SMARCD1: variants seen among roughly 807,000 people sequenced by gnomAD.
SMARCD1 encodes SWI/SNF-related matrix-associated actin-dependent regulator of chromatin subfamily D member 1.
Under a neutral mutation model 70.8 loss-of-function variants are expected in SMARCD1, and 16 were observed. The observed-to-expected ratio is 0.23, with a 90% CI of 0.15 to 0.34. The LOEUF is 0.34. Among genes scored for constraint, SMARCD1 ranks in the 10% least tolerant of loss-of-function variants. The pLI, the probability that SMARCD1 is intolerant of heterozygous loss-of-function variation, is 1.00. For synonymous variants in SMARCD1, 249 were observed against 246.0 expected, an observed-to-expected ratio of 1.01 and a Z score of -0.11; for missense variants, 409 against 655.5, an observed-to-expected ratio of 0.62 and a Z score of 4.11.
At chr12:50,093,090 CA>C (rs1950861335) in intron 9 of SMARCD1, among the ~76,000 whole-genome samples, 1 of 151,730 alleles carries the variant, frequency 6.6e-6, no homozygotes, top group Non-Finnish European at 1.5e-5. Context: ...GCAGGAGAAT[CA>C]CTTGAACCGG....
intron 5 of SMARCD1, 134 bp downstream of exon 5, chr12:50,087,619 C>T: frequency 9.5e-7 from 1 of 1,052,556 alleles, no homozygotes; most frequent in Non-Finnish European, 1.4e-6. Context: ...GACACTGTTC[C>T]CTGCACTGAA....
intron 4 of SMARCD1, among the ~76,000 whole-genome samples, chr12:50,087,156 T>G (rs1450472135): frequency 1.3e-5 from 2 of 152,314 alleles, no homozygotes; most frequent in South Asian, 2.1e-4. Context: ...TGCATGACTT[T>G]GTCCACCTGG....
At chr12:50,088,060 A>G (rs1442088789) in intron 5 of SMARCD1, among the ~76,000 whole-genome samples, 51 of 152,118 alleles carry the variant, frequency 3.4e-4, no homozygotes, top group Non-Finnish European at 5.9e-5. Flanking sequence ...GCTAGTTGGA[A>G]TGCACTTTTG....
At position 50,091,242 on chromosome 12, in the gene SMARCD1, A is replaced by AC. The variant is rs1286803679; in HGVS notation, c.1133+653dup. ...TGTTACTGTGCATCTCTTCCCATGA[A>AC]CAGTAATGTAATGTTGGTAGCTTGA... On this transcript the variant is annotated intron_variant, in intron 9 of 12. Transcript: ENST00000394963. 3.3e-5 allele frequency among the ~76,000 whole-genome samples: 5 copies of AC among 151,702 alleles called. No homozygotes were observed. In the South Asian group the frequency reaches 8.3e-4, roughly 25 times the overall value.
chr12:50,096,590 C>T (rs1333181731), intron 10 of SMARCD1: 1 of 386,506 alleles, frequency 2.6e-6, no homozygotes, highest in Non-Finnish European at 4.8e-6. Flanking sequence ...CATCATGTAG[C>T]TTTGCCCATA....
At chr12:50,086,392 G>T in intron 2 of SMARCD1, 44 bp downstream of exon 2, 1 of 1,430,250 alleles carries the variant, frequency 7.0e-7, no homozygotes. Flanking sequence ...GGGAGCCTGG[G>T]AGGACACAGG....
At position 50,096,614 on chromosome 12, in the gene SMARCD1, A is replaced by G. The variant is rs1950895386; in HGVS notation, c.1270-236A>G. The G allele has an allele frequency of 6.7e-6, 3 of 446,170 alleles. No individual in the cohort carries two copies. The Admixed American group carries it at 1.1e-4, about 16-fold the overall frequency. 27.6% of individuals were successfully genotyped at this position (446,170 alleles called of 1,614,324 possible). A position where few individuals can be genotyped will look rare whatever the true frequency, so the allele number is the denominator to read the frequency against. The stretch of plus-strand genomic sequence containing the variant: ...GCTTTGCCCATAGTGGGCAATGTGG[A>G]GACCAAAAGGAAAGCTTTCCTCACA... On this transcript the variant is annotated intron_variant, in intron 10 of 12. Coordinates refer to ENST00000394963, the MANE Select transcript of SMARCD1 (RefSeq NM_003076.5).
intron 9 of SMARCD1, among the ~76,000 whole-genome samples, chr12:50,092,250 T>C (rs1950851969): frequency 7.0e-6 from 1 of 143,328 alleles, no homozygotes; most frequent in Non-Finnish European, 1.5e-5. Context: ...TTTTTTTTTT[T>C]TTTTTTTGAG....
At chr12:50,092,903 C>T (rs919434279) in intron 9 of SMARCD1, among the ~76,000 whole-genome samples, 1 of 151,818 alleles carries the variant, frequency 6.6e-6, no homozygotes, top group Non-Finnish European at 1.5e-5. Context: ...TTTGGCTGGG[C>T]GCAGTGGCTC....
Position 50,088,593 on chromosome 12 carries a change from G to T in SMARCD1, c.727G>T (p.Glu243Ter). ...FSSFFKSLVI[E>*]LDKDLYGPDN... is the part of the protein sequence containing the mutation. ...TTCCTTTTTTAAGTCCTTGGTGATT[G>T]AACTGGACAAAGACCTGTATGGGCC... Residue 243 changes from glutamate to a stop codon, truncating the protein, a stop_gained, in exon 6 of 13, where the codon GAA becomes TAA. Transcript: ENST00000394963. LOFTEE classifies it high-confidence loss of function. The T allele has an allele frequency of 6.2e-7, 1 of 1,611,686 alleles. No individual in the cohort carries two copies. The highest frequency in any genetic ancestry group is 1.1e-5 in the South Asian group (1 of 90,880).
In SMARCD1 at chr12:50,088,578, A is replaced by G. The variant is rs952333987; in HGVS notation, c.712A>G (p.Lys238Glu). The part of the protein sequence containing the change: ...KQKRKFSSFF[K>E]SLVIELDKDL... ...AAAGAGGAAGTTCTCTTCCTTTTTT[A>G]AGTCCTTGGTGATTGAACTGGACAA... The change falls in exon 6 of 13, where the codon AAG becomes GAG. Residue 238 changes from lysine to glutamate, a missense_variant. By Grantham distance (56) the Lys-to-Glu change is moderately conservative. This residue lies in a region of SMARCD1 where 269 missense variants were observed against 498.6 expected (regional missense o/e 0.54). Transcript: ENST00000394963. The G allele has an allele frequency of 6.2e-7, 1 of 1,611,996 alleles. No homozygotes were observed. The highest frequency in any genetic ancestry group is 8.5e-7 in the Non-Finnish European group (1 of 1,178,754).
rs1474498379 is a variant in SMARCD1, at chr12:50,100,372, C to G, written c.*1372C>G. On this transcript the variant is annotated 3_prime_UTR_variant, in exon 13 of 13. Coordinates refer to ENST00000394963, the MANE Select transcript of SMARCD1 (RefSeq NM_003076.5). ...GCACACCCCCACCCCCAAATCCCTC[C>G]CTGTTCTACACTGGGGACAGCAGAA... The G allele has an allele frequency of 6.6e-6, 1 of 151,934 alleles. No individual in the cohort carries two copies. The highest frequency in any genetic ancestry group is 1.5e-5 in the Non-Finnish European group (1 of 67,920). The allele number at this position is 151,934 out of a possible 1,614,324, so 9.4% of individuals were successfully genotyped here. A position where few individuals can be genotyped will look rare whatever the true frequency, so the allele number is the denominator to read the frequency against.
At chr12:50,087,062 G>A (rs1252366916) in intron 4 of SMARCD1, 184 bp downstream of exon 4, 1 of 691,104 alleles carries the variant, frequency 1.4e-6, no homozygotes, top group South Asian at 1.9e-5. Flanking sequence ...AGGGGGAGGG[G>A]CTCTTGATGT....
intron 5 of SMARCD1, chr12:50,088,216 T>G (rs1226813881): frequency 2.9e-6 from 2 of 697,462 alleles, no homozygotes; most frequent in Admixed American, 4.1e-5. Flanking sequence ...GTCAGACTTT[T>G]CTCTGTTCAA....
chr12:50,086,298 T>G lies in SMARCD1; in HGVS notation c.315T>G (p.Pro105=). 2 of 1,594,704 alleles carry G rather than the reference T, an allele frequency of 1.3e-6. No homozygotes were observed. Among genetic ancestry groups the G allele is most frequent in the South Asian group, 2.2e-5 (2 of 90,610 alleles). ...ATCAGTCCCGCAAGAGACCTGCCCC[T>G]CAGCAGATCCAGCAGGTCCAGCAGC... ...GMDQSRKRPA[P]QQIQQVQQQA... is the part of the protein sequence containing the mutation. Residue 105 remains proline, a synonymous_variant, in exon 2 of 13, where the codon CCT becomes CCG. Coordinates refer to ENST00000394963, the MANE Select transcript of SMARCD1 (RefSeq NM_003076.5).
intron 9 of SMARCD1, 63 bp from the exon 10 acceptor site, chr12:50,094,373 GA>G: frequency 6.6e-7 from 1 of 1,514,446 alleles, no homozygotes; most frequent in Middle Eastern, 1.8e-4. Context: ...TCATCTTTTT[GA>G]CCCTGTGTAA....
intron 10 of SMARCD1, among the ~76,000 whole-genome samples, chr12:50,095,487 C>T (rs836170): frequency 0.33 from 49,582 of 151,944 alleles, 9,330 homozygotes; most frequent in Middle Eastern, 0.46. Flanking sequence ...CCACTACGCC[C>T]GGCTAATTTT....
chr12:50,090,125 C>A, intron 7 of SMARCD1, 116 bp from the exon 8 acceptor site: 1 of 1,329,506 alleles, frequency 7.5e-7, no homozygotes, highest in South Asian at 1.3e-5. Flanking sequence ...CTGAGTTCTT[C>A]CTAGAATTTT....
chr12:50,094,684 A>G, intron 10 of SMARCD1, 112 bp downstream of exon 10: 2 of 1,039,400 alleles, frequency 1.9e-6, no homozygotes, highest in Non-Finnish European at 2.9e-6. Context: ...AGTATATGTC[A>G]GGTACTGTGC....
Sources: allele counts gnomAD v4.1 joint callset (sites outside exome capture counted in the v4.1 genomes callset), GRCh38; gene constraint gnomAD v4.1.1; regional missense constraint gnomAD v4.1.1; transcripts MANE v1.5; gene names NCBI Gene and HGNC (gene_info 2026-07-23, HGNC 2026-07-21).